PTGIR: variants seen among roughly 807,000 people sequenced by gnomAD.
PTGIR encodes the protein prostacyclin receptor.
Under a neutral mutation model 17.6 loss-of-function variants are expected in PTGIR, and 16 were observed. That is an observed-to-expected ratio of 0.91 (90% confidence interval 0.61 to 1.38). PTGIR has a LOEUF of 1.38. PTGIR is among the 40% of genes most tolerant of loss of function. The pLI, the probability that PTGIR is intolerant of heterozygous loss-of-function variation, is 0.00. For missense variants in PTGIR, 532 were observed against 548.6 expected (o/e 0.97, Z 0.30); for synonymous variants, 274 against 255.4 (o/e 1.07, Z -0.69).
At chr19:46,619,552 AGAGAG>A (rs1568675549), downstream of PTGIR, among the ~76,000 whole-genome samples, 472 of 70,932 alleles carry the variant, frequency 6.7e-3, 4 homozygotes, top group African/African-American at 0.011. Context: ...AAAGAAAGAG[AGAGAG>A]AGAGAGAGAG....
At position 46,620,552 on chromosome 19, in the gene PTGIR, G is replaced by C. The variant is rs1972043545; in HGVS notation, c.*728C>G. The C allele has an allele frequency of 1.0e-6, 1 of 985,290 alleles. No homozygotes were observed. Among genetic ancestry groups the C allele is most frequent in the Non-Finnish European group, 1.2e-6 (1 of 829,978 alleles). 61.0% of individuals were successfully genotyped at this position (985,290 alleles called of 1,614,324 possible). Reference sequence around the variant, plus strand: ...GGTTTGTGTTCTGGGGCAGTCCCTGGGATCCGCAGCCCCCACCCTTCATCT... The same window carrying C: ...GGTTTGTGTTCTGGGGCAGTCCCTGCGATCCGCAGCCCCCACCCTTCATCT... On this transcript the variant is annotated 3_prime_UTR_variant, in exon 3 of 3. Transcript: ENST00000291294.
downstream of PTGIR, among the ~76,000 whole-genome samples, chr19:46,619,531 AAGAAAGAAAGAAAGAAAGAGAGAGAGAG>A (rs1184524819): frequency 3.0e-4 from 21 of 70,504 alleles, no homozygotes; most frequent in Non-Finnish European, 2.9e-4. Flanking sequence ...GAAAGAAAGA[AAGAAAGAAAGAAAGAAAGAGAGAGAGAG>A]AGAGAGAGAG....
chr19:46,615,792 C>T (rs566977522), downstream of PTGIR, among the ~76,000 whole-genome samples: 1 of 151,138 alleles, frequency 6.6e-6, no homozygotes. Context: ...AGGAGTGAGC[C>T]CCCACGCCCA....
At chr19:46,610,971 G>A in the PTGIR span, among the ~76,000 whole-genome samples, 14 of 152,274 alleles carry the variant, frequency 9.2e-5, no homozygotes, top group Admixed American at 3.9e-4. Flanking sequence ...CAGCTAGATC[G>A]CAGGGTCATC....
In PTGIR at chr19:46,621,302, C is replaced by G; in HGVS notation, c.1139G>C (p.Ser380Thr). 1 of 1,515,030 alleles carries G rather than the reference C, an allele frequency of 6.6e-7. No homozygotes were observed. The highest frequency in any genetic ancestry group is 1.4e-5 in the African/African-American group (1 of 71,868). The allele number at this position is 1,515,030 out of a possible 1,614,324, so 93.8% of individuals were successfully genotyped here. The change falls in exon 3 of 3, where the codon AGC becomes ACC. Residue 380 changes from serine to threonine, a missense_variant. Physicochemically the swap from Ser to Thr is moderately conservative, Grantham distance 58. Transcript: ENST00000291294. This position sits in a 1 kb window ranked among gnomAD's most constrained non-coding sequence, Gnocchi z 4.8. ...AVGTSSKAEA[S>T]VACSLC ...ATGTCAGCAGAGGGAGCAGGCGACG[C>G]TGGCTTCTGCTTTGGACGACGTTCC...
At chr19:46,615,040 T>C in the PTGIR span, among the ~76,000 whole-genome samples, 1 of 151,598 alleles carries the variant, frequency 6.6e-6, no homozygotes, top group African/African-American at 2.4e-5. Context: ...CCAAAAAAAA[T>C]TAGCCAGGTG....
chr19:46,620,625 C>T lies in PTGIR; in HGVS notation c.*655G>A. On this transcript the variant is annotated 3_prime_UTR_variant, in exon 3 of 3. Transcript: ENST00000291294. ...CCACCACCTGCACCCCCCCAGTTCT[C>T]ATCTTGCAGCCAGTCAAGCTAGGTG... 1 of 985,270 alleles carries T rather than the reference C, an allele frequency of 1.0e-6. No homozygotes were observed. The highest frequency in any genetic ancestry group is 1.2e-6 in the Non-Finnish European group (1 of 829,786). 61.0% of individuals were successfully genotyped at this position (985,270 alleles called of 1,614,324 possible). A position where few individuals can be genotyped will look rare whatever the true frequency, so the allele number is the denominator to read the frequency against.
At chr19:46,614,384 G>A in the PTGIR span, 1 of 985,362 alleles carries the variant, frequency 1.0e-6, no homozygotes, top group Non-Finnish European at 1.2e-6. Flanking sequence ...GTGCGCCGGT[G>A]TTTAAGTCCC....
In PTGIR at chr19:46,623,397, C is replaced by G. The variant is rs953845616; in HGVS notation, c.768+61G>C. ...TCAGTCTCCCCATCTGTGACATGGGCACAACCCACAGAGCTGCCCTCCTCC... is the reference window on the plus strand; with the variant it reads ...TCAGTCTCCCCATCTGTGACATGGGGACAACCCACAGAGCTGCCCTCCTCC... On this transcript the variant is annotated intron_variant, in intron 2 of 2. Transcript: ENST00000291294. The G allele has an allele frequency of 2.8e-5, 40 of 1,449,260 alleles. No individual in the cohort carries two copies. The African/African-American group carries it at 5.4e-4, about 20-fold the overall frequency. The allele number at this position is 1,449,260 out of a possible 1,614,324, so 89.8% of individuals were successfully genotyped here. A position where few individuals can be genotyped will look rare whatever the true frequency, so the allele number is the denominator to read the frequency against.
rs1418590869 is a variant in PTGIR at position 46,621,679 on chromosome 19, G to T, written c.769-7C>A. 1.2e-6 allele frequency: 2 copies of T among 1,608,420 alleles called. No individual in the cohort carries two copies. Among genetic ancestry groups the T allele is most frequent in the Admixed American group, 1.7e-5 (1 of 59,892 alleles). On this transcript the variant is annotated splice_polypyrimidine_tract_variant and splice_region_variant and intron_variant, in intron 2 of 2. Transcript: ENST00000291294. This position sits in a 1 kb window ranked among gnomAD's most constrained non-coding sequence, Gnocchi z 4.8. ...CCTGGGTGAAGCAGCGGATCTGAGG[G>T]CAGGGTGAGGGCGTCAAGGAGCACC...
At chr19:46,622,524 T>C in intron 2 of PTGIR, 1 of 422,550 alleles carries the variant, frequency 2.4e-6, no homozygotes, top group Non-Finnish European at 3.2e-6. Flanking sequence ...AAGTGCTCAA[T>C]GAGTGGTGGT....
chr19:46,619,637 G>GA (rs1228479563), downstream of PTGIR, among the ~76,000 whole-genome samples: 6 of 138,696 alleles, frequency 4.3e-5, no homozygotes, highest in African/African-American at 1.1e-4. Flanking sequence ...AAGAAAGAAA[G>GA]AAAGAAAGAA....
At chr19:46,620,283 G>A (rs1972039463), downstream of PTGIR, among the ~76,000 whole-genome samples, 1 of 152,004 alleles carries the variant, frequency 6.6e-6, no homozygotes. Context: ...AAATTTTTTT[G>A]TAGAGACAAG....
downstream of PTGIR, among the ~76,000 whole-genome samples, chr19:46,618,168 C>T (rs1187227381): frequency 6.6e-6 from 1 of 152,104 alleles, no homozygotes; most frequent in Non-Finnish European, 1.5e-5. Context: ...GCGCCCGCCA[C>T]CACGCCCGGC....
chr19:46,619,419 C>T (rs59891163), downstream of PTGIR, among the ~76,000 whole-genome samples: 3,859 of 150,808 alleles, frequency 0.026, 125 homozygotes, highest in African/African-American at 0.083. Context: ...CACTTGAACC[C>T]GGGAGGCGGA....
At chr19:46,618,303 T>C (rs1971992747), downstream of PTGIR, among the ~76,000 whole-genome samples, 1 of 150,988 alleles carries the variant, frequency 6.6e-6, no homozygotes, top group Non-Finnish European at 1.5e-5. Context: ...CGTGAGCCAC[T>C]GCGCCCGGCC....
At chr19:46,620,377 C>T, downstream of PTGIR, 1 of 952,090 alleles carries the variant, frequency 1.1e-6, no homozygotes, top group Non-Finnish European at 1.3e-6. Flanking sequence ...GCTGGGATTA[C>T]AGGCATGTGC....
chr19:46,613,958 G>A, the PTGIR span, among the ~76,000 whole-genome samples: 1 of 152,214 alleles, frequency 6.6e-6, no homozygotes, highest in Non-Finnish European at 1.5e-5. Context: ...GACTTTTACT[G>A]CCAGACAGGC....
At position 46,621,052 on chromosome 19, in the gene PTGIR, T is replaced by C; in HGVS notation, c.*228A>G. On this transcript the variant is annotated 3_prime_UTR_variant, in exon 3 of 3. Coordinates refer to ENST00000291294, the MANE Select transcript of PTGIR (RefSeq NM_000960.4). The surrounding 1 kb of genome is among the most constrained non-coding windows in gnomAD (Gnocchi z 4.8). The stretch of plus-strand genomic sequence containing the variant: ...AGAGCAGGTCGGCCAGGCCACTGGT[T>C]ATTTTGAGAGAACCATTCTTTCTGC... 8.1e-7 allele frequency: 1 copy of C among 1,232,506 alleles called. No individual in the cohort carries two copies. The highest frequency in any genetic ancestry group is 1.0e-6 in the Non-Finnish European group (1 of 987,656). The allele number at this position is 1,232,506 out of a possible 1,614,324, so 76.3% of individuals were successfully genotyped here. A position where few individuals can be genotyped will look rare whatever the true frequency, so the allele number is the denominator to read the frequency against.
Sources: allele counts gnomAD v4.1 joint callset (sites outside exome capture counted in the v4.1 genomes callset), GRCh38; gene constraint gnomAD v4.1.1; non-coding constraint Gnocchi (gnomAD v3.1); transcripts MANE v1.5; gene names NCBI Gene and HGNC (gene_info 2026-07-23, HGNC 2026-07-21).